Variants in SLC9C1 observed in about 807,000 individuals in gnomAD.
SLC9C1 encodes sodium/hydrogen exchanger 10.
A neutral mutation model predicts 140.9 loss-of-function variants in SLC9C1; 97 were observed. The ratio of observed to expected loss-of-function variants is 0.69; its 90% CI spans 0.58 to 0.82. The LOEUF (loss-of-function observed/expected upper bound fraction) is 0.82, where lower values mean the gene tolerates loss of function less well. SLC9C1 is among the 40% of genes least tolerant of loss of function. SLC9C1 has a pLI of 0.00. For synonymous variants in SLC9C1, 440 were observed against 442.6 expected (o/e 0.99, Z 0.07); for missense variants, 1,340 against 1,389.3 (o/e 0.96, Z 0.56).
intron 3 of SLC9C1, 79 bp from the exon 4 acceptor site, chr3:112,278,936 T>G: frequency 7.0e-7 from 1 of 1,436,478 alleles, no homozygotes; most frequent in Non-Finnish European, 9.4e-7. Flanking sequence ...CTCCTAAATC[T>G]AACAGTAGAG....
At chr3:112,171,221 AAAAAG>A (rs540877319) in intron 23 of SLC9C1, among the ~76,000 whole-genome samples, 10 of 152,106 alleles carry the variant, frequency 6.6e-5, no homozygotes, top group African/African-American at 1.4e-4. Flanking sequence ...GTCAGAAAAA[AAAAAG>A]AAAAGAAAAG....
chr3:112,256,749 T>A (rs2108275332), intron 10 of SLC9C1, among the ~76,000 whole-genome samples: 1 of 152,180 alleles, frequency 6.6e-6, no homozygotes, highest in East Asian at 1.9e-4. Context: ...ATAAAGTGCA[T>A]CCAAATAGGA....
At chr3:112,226,635 T>C (rs1469089877) in intron 13 of SLC9C1, among the ~76,000 whole-genome samples, 1 of 152,056 alleles carries the variant, frequency 6.6e-6, no homozygotes, top group Non-Finnish European at 1.5e-5. Flanking sequence ...TGTAGGAGAA[T>C]TGCTTGAATC....
At chr3:112,144,368 G>A (rs1450850718) in intron 28 of SLC9C1, among the ~76,000 whole-genome samples, 3 of 151,592 alleles carry the variant, frequency 2.0e-5, no homozygotes, top group African/African-American at 4.8e-5. Context: ...TAGTAGAGAC[G>A]GGGTTTCACC....
chr3:112,210,494 T>C (rs2078172576), intron 15 of SLC9C1, among the ~76,000 whole-genome samples: 2 of 152,080 alleles, frequency 1.3e-5, no homozygotes, highest in South Asian at 4.1e-4. Context: ...ATAAGTAAAT[T>C]CACAGGGACA....
chr3:112,195,134 G>T (rs2077742575), intron 20 of SLC9C1, among the ~76,000 whole-genome samples: 1 of 152,154 alleles, frequency 6.6e-6, no homozygotes, highest in Admixed American at 6.5e-5. Context: ...TTTTCCTGAA[G>T]TGCACTTTGT....
rs1474141131 is a variant in SLC9C1, at chr3:112,141,135, T to A, written c.*137A>T. 1 of 912,698 alleles carries A rather than the reference T, an allele frequency of 1.1e-6. No homozygotes were observed. Among genetic ancestry groups the A allele is most frequent in the African/African-American group, 1.7e-5 (1 of 58,188 alleles). 56.5% of individuals were successfully genotyped at this position (912,698 alleles called of 1,614,324 possible). A position where few individuals can be genotyped will look rare whatever the true frequency, so the allele number is the denominator to read the frequency against. ...TGCTGGTTTCAAGGTCCAAATTTCT[T>A]TTCTGCTTAGCACCAAGATCATCCA... is the stretch of plus-strand genomic sequence containing the variant. On this transcript the variant is annotated 3_prime_UTR_variant, in exon 29 of 29. Coordinates refer to ENST00000305815, the MANE Select transcript of SLC9C1 (RefSeq NM_183061.3).
At chr3:112,254,346 C>T (rs1455153092) in intron 10 of SLC9C1, among the ~76,000 whole-genome samples, 1 of 152,072 alleles carries the variant, frequency 6.6e-6, no homozygotes, top group Admixed American at 6.6e-5. Context: ...AGAGAAAGGG[C>T]AGGTCGCCTA....
chr3:112,193,292 G>A (rs2077702166), intron 20 of SLC9C1, among the ~76,000 whole-genome samples: 1 of 152,184 alleles, frequency 6.6e-6, no homozygotes, highest in Non-Finnish European at 1.5e-5. Context: ...CTCTGGCCAG[G>A]GGCATGGGCA....
At chr3:112,182,735 T>C (rs574393249) in intron 20 of SLC9C1, among the ~76,000 whole-genome samples, 5 of 152,344 alleles carry the variant, frequency 3.3e-5, no homozygotes, top group African/African-American at 1.2e-4. Context: ...ATAAAACATT[T>C]GCTTCACCCT....
chr3:112,159,228 A>T (rs938412396), intron 26 of SLC9C1, among the ~76,000 whole-genome samples: 1 of 151,868 alleles, frequency 6.6e-6, no homozygotes, highest in Non-Finnish European at 1.5e-5. Context: ...AATTAAAAAA[A>T]ATGTTTCCTT....
intron 14 of SLC9C1, among the ~76,000 whole-genome samples, chr3:112,218,295 A>T (rs958312219): frequency 6.6e-6 from 1 of 151,872 alleles, no homozygotes; most frequent in African/African-American, 2.4e-5. Context: ...TTTCATCGTC[A>T]TGATCAGAAG....
intron 26 of SLC9C1, among the ~76,000 whole-genome samples, chr3:112,159,092 T>C (rs935724071): frequency 6.6e-6 from 1 of 151,670 alleles, no homozygotes; most frequent in Non-Finnish European, 1.5e-5. Context: ...GTCATTAGAT[T>C]TTTTTTTAAG....
chr3:112,151,115 C>T (rs140140860), intron 28 of SLC9C1, among the ~76,000 whole-genome samples: 1,594 of 152,008 alleles, frequency 0.01, 15 homozygotes, highest in Middle Eastern at 0.017. Context: ...GGATTACAGG[C>T]GTGAGCCACC....
chr3:112,166,161 C>T (rs538206920), intron 26 of SLC9C1, among the ~76,000 whole-genome samples: 25 of 152,314 alleles, frequency 1.6e-4, no homozygotes, highest in Admixed American at 5.9e-4. Context: ...TTCCAGGCGC[C>T]GTCTGTCACC....
chr3:112,176,697 A>G (rs1263010494), intron 23 of SLC9C1, among the ~76,000 whole-genome samples: 1 of 152,154 alleles, frequency 6.6e-6, no homozygotes, highest in Non-Finnish European at 1.5e-5. Context: ...TTCATTTACT[A>G]TCTGATCACA....
intron 12 of SLC9C1, among the ~76,000 whole-genome samples, chr3:112,232,452 G>A (rs1560101178): frequency 6.6e-6 from 1 of 152,186 alleles, no homozygotes; most frequent in Non-Finnish European, 1.5e-5. Context: ...CTTTGGATAT[G>A]ACATGGTACT....
In SLC9C1 at chr3:112,277,798, T is replaced by G; in HGVS notation, c.381A>C (p.Ala127=). The part of the protein sequence containing the change: ...VNYILVLWHL[A]SVNQLLLKPT... ...GCTTCAAAAGTAATTGATTTACAGA[T>G]GCCAGATGCCAAAGAACTAAGATAT... is the stretch of plus-strand genomic sequence containing the variant. The change falls in exon 5 of 29, where the codon GCA becomes GCC. Residue 127 remains alanine, a synonymous_variant. Coordinates refer to ENST00000305815, the MANE Select transcript of SLC9C1 (RefSeq NM_183061.3). The G allele has an allele frequency of 6.2e-7, 1 of 1,612,538 alleles. No individual in the cohort carries two copies. The highest frequency in any genetic ancestry group is 1.7e-5 in the Admixed American group (1 of 59,820).
Position 112,277,821 on chromosome 3 carries a change from T to C in SLC9C1, c.358A>G (p.Ile120Val), listed in dbSNP as rs778449361. The change falls in exon 5 of 29, where the codon ATC becomes GTC. Residue 120 changes from isoleucine to valine, a missense_variant. By Grantham distance (29) the Ile-to-Val change is conservative. Coordinates refer to ENST00000305815, the MANE Select transcript of SLC9C1 (RefSeq NM_183061.3). Reference sequence around the variant, plus strand: ...GATGCCAGATGCCAAAGAACTAAGATATAATTAACCAAAAAGCCGGGAATT... The same window carrying C: ...GATGCCAGATGCCAAAGAACTAAGACATAATTAACCAAAAAGCCGGGAATT... ...ISIPGFLVNYILVLWHLASVN... is the reference protein window; with the variant it reads ...ISIPGFLVNYVLVLWHLASVN... 3.7e-6 allele frequency: 6 copies of C among 1,604,618 alleles called. No homozygotes were observed. The South Asian group carries it at 6.8e-5, about 18-fold the overall frequency.
Sources: gnomAD v4.1 joint callset for allele counts (sites outside exome capture counted in the v4.1 genomes callset) on GRCh38, gnomAD v4.1.1 for gene constraint, MANE v1.5 for transcripts, NCBI Gene and HGNC (gene_info 2026-07-23, HGNC 2026-07-21) for gene names.